Variants in CPN1 observed in about 807,000 individuals in gnomAD.
CPN1 encodes the protein carboxypeptidase N catalytic chain.
A neutral mutation model predicts 46.4 loss-of-function variants in CPN1; 37 were observed. The ratio of observed to expected loss-of-function variants is 0.80; its 90% CI spans 0.61 to 1.05. The LOEUF (loss-of-function observed/expected upper bound fraction) is 1.05. Among genes scored for constraint, CPN1 ranks in the 50% least tolerant of loss-of-function variants. The pLI is 0.00. For synonymous variants in CPN1, 224 were observed against 235.4 expected (o/e 0.95, Z 0.44); for missense variants, 563 against 602.6 (o/e 0.93, Z 0.69).
chr10:100,044,463 C>A (rs890638512), intron 8 of CPN1, among the ~76,000 whole-genome samples: 4 of 152,202 alleles, frequency 2.6e-5, no homozygotes, highest in Non-Finnish European at 4.4e-5. Flanking sequence ...CAGGCTCCAT[C>A]TCCTGGGTTC....
intron 3 of CPN1, 108 bp from the exon 4 acceptor site, chr10:100,065,478 A>G (rs1166407757): frequency 2.5e-6 from 3 of 1,189,076 alleles, no homozygotes; most frequent in African/African-American, 3.0e-5. Context: ...AAATGTCTGA[A>G]TGAAACATTG....
Position 100,057,078 on chromosome 10 carries a change from G to T in CPN1, c.946C>A (p.Pro316Thr). 6.2e-7 allele frequency: 1 copy of T among 1,614,096 alleles called. No homozygotes were observed. Among genetic ancestry groups the T allele is most frequent in the Non-Finnish European group, 8.5e-7 (1 of 1,180,014 alleles). Residue 316 changes from proline to threonine, a missense_variant, in exon 6 of 9, where the codon CCC (proline) becomes ACC (threonine). Physicochemically the swap from Pro to Thr is conservative, Grantham distance 38 (BLOSUM62 -1). Transcript: ENST00000370418. ...TLELSCDKFP[P>T]EEELQREWLG... ...CACTCCCGCTGTAACTCCTCTTCGG[G>T]GGGAAACTTGTCGCAACTCAGTTCC...
At chr10:100,062,879 G>A (rs2041429103) in intron 5 of CPN1, among the ~76,000 whole-genome samples, 1 of 151,806 alleles carries the variant, frequency 6.6e-6, no homozygotes, top group Non-Finnish European at 1.5e-5. Context: ...GGGATTATAG[G>A]CATCAGTCAC....
At chr10:100,053,310 T>G (rs1467515437) in intron 7 of CPN1, among the ~76,000 whole-genome samples, 2 of 152,122 alleles carry the variant, frequency 1.3e-5, no homozygotes, top group African/African-American at 2.4e-5. Flanking sequence ...TAAATGTTAG[T>G]GTAGTAAAAT....
chr10:100,049,737 A>C (rs2041338745), intron 7 of CPN1, among the ~76,000 whole-genome samples: 1 of 152,166 alleles, frequency 6.6e-6, no homozygotes, highest in African/African-American at 2.4e-5. Context: ...AAACTAGTAA[A>C]GATTTAAATC....
intron 8 of CPN1, among the ~76,000 whole-genome samples, chr10:100,046,840 G>A (rs1260791762): frequency 2.0e-5 from 3 of 151,948 alleles, no homozygotes; most frequent in African/African-American, 4.8e-5. Context: ...TTGGGAGGCC[G>A]AGGTGGGCAG....
intron 7 of CPN1, among the ~76,000 whole-genome samples, chr10:100,051,939 T>A (rs2041356776): frequency 6.7e-6 from 1 of 150,206 alleles, no homozygotes; most frequent in Non-Finnish European, 1.5e-5. Flanking sequence ...AGTCTCACTC[T>A]GCCCAGGCTG....
At position 100,042,236 on chromosome 10, in the gene CPN1, T is replaced by G; in HGVS notation, c.*191A>C. The G allele has an allele frequency of 5.4e-6, 4 of 734,890 alleles. No homozygotes were observed. The South Asian group carries it at 6.8e-5, about 12-fold the overall frequency. 45.5% of individuals were successfully genotyped at this position (734,890 alleles called of 1,614,324 possible). ...ACCACACCCGGCCACCACATCACCT[T>G]TCAATAGATCCTAATTTTTTTCATG... On this transcript the variant is annotated 3_prime_UTR_variant, in exon 9 of 9. Transcript: ENST00000370418.
At chr10:100,050,995 AGCCT>A (rs991342366) in intron 7 of CPN1, among the ~76,000 whole-genome samples, 2 of 152,184 alleles carry the variant, frequency 1.3e-5, no homozygotes, top group African/African-American at 4.8e-5. Flanking sequence ...ACTGCACTCC[AGCCT>A]GGGCGACAGA....
chr10:100,054,787 T>G lies in CPN1; in HGVS notation c.1012-341A>C, dbSNP rs2041375489. Among the ~76,000 whole-genome samples, 3 of 152,070 alleles carry G rather than the reference T, an allele frequency of 2.0e-5. No individual in the cohort carries two copies. The South Asian group carries it at 6.2e-4, about 32-fold the overall frequency. On this transcript the variant is annotated intron_variant, in intron 6 of 8. Coordinates refer to ENST00000370418, the MANE Select transcript of CPN1 (RefSeq NM_001308.3). ...ATCTCCAACCACCTTTTCTCTCCCT[T>G]ACTTCTGAGATCAGTCCAGCCACAC... is the stretch of plus-strand genomic sequence containing the variant.
intron 7 of CPN1, among the ~76,000 whole-genome samples, chr10:100,051,569 C>T (rs143096929): frequency 0.023 from 3,457 of 152,062 alleles, 111 homozygotes; most frequent in African/African-American, 0.075. Flanking sequence ...GCTCTGTCGC[C>T]CAGGCTGGAG....
At chr10:100,066,744 A>C (rs1360105336) in intron 3 of CPN1, among the ~76,000 whole-genome samples, 1 of 152,264 alleles carries the variant, frequency 6.6e-6, no homozygotes, top group African/African-American at 2.4e-5. Flanking sequence ...GACCAAGGTC[A>C]GCTCTACAGG....
In CPN1 at chr10:100,063,635, A is replaced by C. The variant is rs761108197; in HGVS notation, c.850T>G (p.Ser284Ala). 1 of 1,613,792 alleles carries C rather than the reference A, an allele frequency of 6.2e-7. No individual in the cohort carries two copies. Among genetic ancestry groups the C allele is most frequent in the Non-Finnish European group, 8.5e-7 (1 of 1,179,724 alleles). The change falls in exon 5 of 9, where the codon TCC becomes GCC. Residue 284 changes from serine (S) to alanine (A), a missense_variant. By Grantham distance (99) the Ser-to-Ala change is moderately conservative (BLOSUM62 1). Coordinates refer to ENST00000370418, the MANE Select transcript of CPN1 (RefSeq NM_001308.3). ...TTACCCTTGCTGAGAGAATACCAGG[A>C]AGCCCCATTGGTGATGCCATCTGGG... is the stretch of plus-strand genomic sequence containing the variant. ...YFPDGITNGASWYSLSKGMQD... is the reference protein window; with the variant it reads ...YFPDGITNGAAWYSLSKGMQD...
At chr10:100,042,670 G>C in intron 8 of CPN1, 97 bp from the exon 9 acceptor site, 1 of 1,483,870 alleles carries the variant, frequency 6.7e-7, no homozygotes, top group South Asian at 1.2e-5. Context: ...AATTATTATA[G>C]CAGTGACCCA....
intron 7 of CPN1, among the ~76,000 whole-genome samples, chr10:100,053,967 C>T (rs2041369819): frequency 6.6e-6 from 1 of 152,064 alleles, no homozygotes; most frequent in Non-Finnish European, 1.5e-5. Flanking sequence ...TCACAGTCCT[C>T]TTTCTACCCG....
At chr10:100,072,279 G>C (rs12761969) in intron 2 of CPN1, among the ~76,000 whole-genome samples, 39,040 of 152,010 alleles carry the variant, frequency 0.26, 6,226 homozygotes, top group Non-Finnish European at 0.36. Flanking sequence ...GGGCTCAGGT[G>C]ATCCTCCCAC....
At chr10:100,066,588 G>C (rs1000559077) in intron 3 of CPN1, among the ~76,000 whole-genome samples, 11 of 152,198 alleles carry the variant, frequency 7.2e-5, no homozygotes, top group African/African-American at 2.7e-4. Flanking sequence ...TATATTGCTA[G>C]TGAGTGACAA....
At chr10:100,058,446 T>C (rs2041397786) in intron 5 of CPN1, among the ~76,000 whole-genome samples, 1 of 152,214 alleles carries the variant, frequency 6.6e-6, no homozygotes, top group Non-Finnish European at 1.5e-5. Context: ...AAGACAGCTA[T>C]ATTTTCTTCT....
At chr10:100,072,403 A>G (rs1189492192) in intron 2 of CPN1, among the ~76,000 whole-genome samples, 1 of 152,090 alleles carries the variant, frequency 6.6e-6, no homozygotes, top group African/African-American at 2.4e-5. Context: ...TCAAACTTCT[A>G]GGCTCAAGTG....
Sources: gnomAD v4.1 joint callset for allele counts (sites outside exome capture counted in the v4.1 genomes callset) on GRCh38, gnomAD v4.1.1 for gene constraint, MANE v1.5 for transcripts, NCBI Gene and HGNC (gene_info 2026-07-23, HGNC 2026-07-21) for gene names.